SDK1: variants seen among roughly 807,000 people sequenced by gnomAD.
SDK1 encodes protein sidekick-1.
In SDK1, 157 loss-of-function variants were observed where a neutral mutation model predicts 245.5. The ratio of observed to expected loss-of-function variants is 0.64; its 90% CI spans 0.56 to 0.73. SDK1 has a LOEUF of 0.73. Ranked by LOEUF, SDK1 falls within the 30% of genes least tolerant of loss-of-function variation. The pLI is 0.00. For synonymous variants in SDK1, 1,647 were observed against 1,278.5 expected, an observed-to-expected ratio of 1.29 and a Z score of -6.15; for missense variants, 3,583 against 3,002.3, an observed-to-expected ratio of 1.19 and a Z score of -4.52.
At position 3,877,975 on chromosome 7, in the gene SDK1, T is replaced by G. The variant is rs528090590; in HGVS notation, c.847+56392T>G. Among the ~76,000 whole-genome samples, 7 of 152,352 alleles carry G rather than the reference T, an allele frequency of 4.6e-5. No homozygotes were observed. In the South Asian group the frequency reaches 8.3e-4, roughly 18 times the overall value. ...TAGAGTACATTCGTTGAAGTAAATT[T>G]GCTGGAACAGAGGGAATGCCTATTT... On this transcript the variant is annotated intron_variant, in intron 5 of 44. Transcript: ENST00000404826.
chr7:3,512,871 A>T (rs920683496), intron 1 of SDK1, among the ~76,000 whole-genome samples: 2 of 151,958 alleles, frequency 1.3e-5, no homozygotes, highest in African/African-American at 4.8e-5. Flanking sequence ...GCATTATGTC[A>T]TTGTAACAGG....
At chr7:4,109,355 G>A (rs765810213) in intron 22 of SDK1, among the ~76,000 whole-genome samples, 22 of 152,172 alleles carry the variant, frequency 1.4e-4, no homozygotes, top group Admixed American at 1.0e-3. Context: ...CATCCGTGTC[G>A]CCAGTTTACC....
chr7:4,186,689 G>C (rs926689183), intron 35 of SDK1, among the ~76,000 whole-genome samples: 3 of 152,144 alleles, frequency 2.0e-5, no homozygotes, highest in African/African-American at 7.2e-5. Context: ...CGCTGCTCCA[G>C]CTTCCTAGGG....
chr7:3,980,273 C>T (rs1157761496), intron 13 of SDK1, among the ~76,000 whole-genome samples: 2 of 152,224 alleles, frequency 1.3e-5, no homozygotes, highest in Non-Finnish European at 2.9e-5. Context: ...CTTGCTTCAT[C>T]TCTCTCCCGT....
intron 4 of SDK1, among the ~76,000 whole-genome samples, chr7:3,721,507 G>A (rs1778800979): frequency 6.6e-6 from 1 of 152,224 alleles, no homozygotes; most frequent in African/African-American, 2.4e-5. Flanking sequence ...TCACAGTACA[G>A]CGTAGGCTTC....
rs59676101 is a variant in SDK1, at chr7:4,268,489, G to A, written c.*3105G>A. On this transcript the variant is annotated 3_prime_UTR_variant, in exon 45 of 45. Coordinates refer to ENST00000404826, the MANE Select transcript of SDK1 (RefSeq NM_152744.4). ...TCACTCAATGCTGTAGCCAAAAAAC[G>A]AGGGGCCCCAGGGAGAGGGGACCCA... 3.7e-3 allele frequency: 4,346 copies of A among 1,174,938 alleles called. 122 individuals are homozygous for A. The African/African-American group carries it at 0.064, about 17-fold the overall frequency. The allele number at this position is 1,174,938 out of a possible 1,614,324, so 72.8% of individuals were successfully genotyped here. A position where few individuals can be genotyped will look rare whatever the true frequency, so the allele number is the denominator to read the frequency against.
chr7:3,989,085 C>G (rs115844375), intron 14 of SDK1, among the ~76,000 whole-genome samples: 7 of 152,296 alleles, frequency 4.6e-5, no homozygotes, highest in African/African-American at 1.7e-4. Flanking sequence ...CGTAAGCTGC[C>G]GGCCTCCCTC....
chr7:3,927,950 A>G (rs1284963742), intron 5 of SDK1, among the ~76,000 whole-genome samples: 1 of 152,242 alleles, frequency 6.6e-6, no homozygotes, highest in East Asian at 1.9e-4. Context: ...TGCTGGCAGC[A>G]GCTGCTGTGG....
intron 1 of SDK1, among the ~76,000 whole-genome samples, chr7:3,453,837 C>G (rs1395814447): frequency 6.6e-6 from 1 of 152,098 alleles, no homozygotes; most frequent in East Asian, 1.9e-4. Context: ...CTCCTGGACT[C>G]AAGTGATCCT....
intron 4 of SDK1, among the ~76,000 whole-genome samples, chr7:3,806,180 C>T (rs1017148227): frequency 2.0e-5 from 3 of 152,270 alleles, no homozygotes; most frequent in African/African-American, 7.2e-5. Flanking sequence ...CTTTGTCTCA[C>T]ATGGACTCAC....
At chr7:3,937,413 A>C (rs1351210331) in intron 5 of SDK1, among the ~76,000 whole-genome samples, 1 of 152,224 alleles carries the variant, frequency 6.6e-6, no homozygotes, top group Non-Finnish European at 1.5e-5. Flanking sequence ...ACCAAAGGCC[A>C]TGCGGCAGAA....
At chr7:4,082,499 TA>T in intron 22 of SDK1, among the ~76,000 whole-genome samples, 2 of 146,626 alleles carry the variant, frequency 1.4e-5, no homozygotes, top group Middle Eastern at 7.2e-3. Context: ...CATGCCACTG[TA>T]CTTCAGCCTG....
At chr7:4,262,548 G>A (rs960939572) in intron 44 of SDK1, among the ~76,000 whole-genome samples, 24 of 151,780 alleles carry the variant, frequency 1.6e-4, no homozygotes, top group African/African-American at 5.1e-4. Flanking sequence ...GAGGGGCCAG[G>A]CCATTCAGTA....
intron 16 of SDK1, among the ~76,000 whole-genome samples, chr7:4,012,724 C>G (rs1320613272): frequency 5.3e-5 from 8 of 151,490 alleles, no homozygotes; most frequent in Non-Finnish European, 1.2e-4. Context: ...CAGGCATGTG[C>G]CACCACACCT....
rs188871776 is a variant in SDK1, at chr7:3,966,370, T to A, written c.1430-948T>A. ...AGCCCAGGGACCCTCACAGAAGACT[T>A]GAGAGACACAGATCACTGTTGTACG... is the stretch of plus-strand genomic sequence containing the variant. On this transcript the variant is annotated intron_variant, in intron 9 of 44. Transcript: ENST00000404826. Among the ~76,000 whole-genome samples, 5 of 152,172 alleles carry A rather than the reference T, an allele frequency of 3.3e-5. No homozygotes were observed. The East Asian group carries it at 9.7e-4, about 30-fold the overall frequency.
intron 35 of SDK1, among the ~76,000 whole-genome samples, chr7:4,181,545 A>G (rs1400702088): frequency 1.4e-5 from 2 of 147,004 alleles, no homozygotes; most frequent in African/African-American, 5.0e-5. Context: ...CTGGGCCCCC[A>G]TCTCCCTCCC....
chr7:4,107,555 A>C (rs1783021047), intron 22 of SDK1, among the ~76,000 whole-genome samples: 1 of 151,804 alleles, frequency 6.6e-6, no homozygotes, highest in Admixed American at 6.6e-5. Context: ...TTTAACACCC[A>C]GAGGACTGGT....
intron 1 of SDK1, among the ~76,000 whole-genome samples, chr7:3,304,318 C>A (rs896777537): frequency 6.6e-6 from 1 of 152,220 alleles, no homozygotes; most frequent in Non-Finnish European, 1.5e-5. Flanking sequence ...GCAACACATG[C>A]TTTCTTTATG....
chr7:4,194,229 T>C (rs189252872), intron 35 of SDK1, among the ~76,000 whole-genome samples: 134 of 149,126 alleles, frequency 9.0e-4, no homozygotes, highest in African/African-American at 3.2e-3. Flanking sequence ...TATACACGTA[T>C]GTGTATACAT....
Sources: gnomAD v4.1 joint callset for allele counts (sites outside exome capture counted in the v4.1 genomes callset) on GRCh38, gnomAD v4.1.1 for gene constraint, MANE v1.5 for transcripts, NCBI Gene and HGNC (gene_info 2026-07-23, HGNC 2026-07-21) for gene names.